Variants in LCLAT1 observed in about 807,000 individuals in gnomAD.
LCLAT1 encodes the protein lysocardiolipin acyltransferase 1, also known as 1-AGP acyltransferase 8.
A neutral mutation model predicts 30.7 loss-of-function variants in LCLAT1; 11 were observed. The ratio of observed to expected loss-of-function variants is 0.36; its 90% CI spans 0.23 to 0.59. The LOEUF (loss-of-function observed/expected upper bound fraction) is 0.59, where lower values mean the gene tolerates loss of function less well. LCLAT1 is among the 20% of genes least tolerant of loss of function. The probability of loss-of-function intolerance (pLI) is 0.77; values close to 1 mark genes in which losing one functional copy is unlikely to be tolerated. For missense variants in LCLAT1, 402 were observed against 458.6 expected (o/e 0.88, Z 1.13); for synonymous variants, 155 against 151.3 (o/e 1.02, Z -0.18).
At chr2:30,564,540 T>TA (rs1333230343) in intron 4 of LCLAT1, among the ~76,000 whole-genome samples, 1 of 152,184 alleles carries the variant, frequency 6.6e-6, no homozygotes, top group African/African-American at 2.4e-5. Context: ...TGCATATATA[T>TA]TTTAAATGCA....
chr2:30,454,360 G>A (rs1473621980), intron 1 of LCLAT1, among the ~76,000 whole-genome samples: 1 of 152,212 alleles, frequency 6.6e-6, no homozygotes, highest in South Asian at 2.1e-4. Context: ...ATTTTATGAT[G>A]TAGTGCTCAA....
intron 5 of LCLAT1, among the ~76,000 whole-genome samples, chr2:30,585,492 G>T (rs1432895208): frequency 6.6e-6 from 1 of 152,148 alleles, no homozygotes; most frequent in Non-Finnish European, 1.5e-5. Flanking sequence ...ACTCATGCCA[G>T]TTCCATGATC....
intron 5 of LCLAT1, among the ~76,000 whole-genome samples, chr2:30,572,017 T>C (rs1295269307): frequency 6.6e-6 from 1 of 152,246 alleles, no homozygotes; most frequent in Non-Finnish European, 1.5e-5. Flanking sequence ...CTGCACATCA[T>C]GAAGCAGAAA....
intron 1 of LCLAT1, among the ~76,000 whole-genome samples, chr2:30,457,506 A>G (rs560777426): frequency 6.6e-6 from 1 of 152,334 alleles, no homozygotes; most frequent in East Asian, 1.9e-4. Flanking sequence ...GCCCTTTTAC[A>G]TGCAAAGGAT....
At chr2:30,587,853 TAA>T (rs1666512590) in intron 5 of LCLAT1, among the ~76,000 whole-genome samples, 1 of 152,220 alleles carries the variant, frequency 6.6e-6, no homozygotes, top group African/African-American at 2.4e-5. Flanking sequence ...GATCAATGAT[TAA>T]AAGATAATTG....
chr2:30,610,162 TTTTTTCGTTC>T (rs1271061109), intron 5 of LCLAT1, among the ~76,000 whole-genome samples: 1 of 152,086 alleles, frequency 6.6e-6, no homozygotes, highest in Admixed American at 6.6e-5. Flanking sequence ...AGTTTACTAA[TTTTTTCGTTC>T]CTTCTTTAGT....
In LCLAT1 at chr2:30,507,112, C is replaced by T. The variant is rs952633425; in HGVS notation, c.-4-18475C>T. Among the ~76,000 whole-genome samples the T allele has an allele frequency of 3.9e-5, 6 of 151,982 alleles. No individual in the cohort carries two copies. In the East Asian group the frequency reaches 5.8e-4, roughly 15 times the overall value. ...CATATACTATATATGCAATAATTGA[C>T]GTTAGTGTTCACTTTAATTTTATGT... On this transcript the variant is annotated intron_variant, in intron 1 of 5. Coordinates refer to ENST00000379509, the MANE Select transcript of LCLAT1 (RefSeq NM_001002257.3).
chr2:30,479,152 T>C (rs938550799), intron 1 of LCLAT1, among the ~76,000 whole-genome samples: 2 of 152,186 alleles, frequency 1.3e-5, no homozygotes, highest in African/African-American at 4.8e-5. Flanking sequence ...CACTTACTTA[T>C]TTGGGTGAAT....
intron 1 of LCLAT1, among the ~76,000 whole-genome samples, chr2:30,501,867 T>C (rs919657013): frequency 6.6e-6 from 1 of 152,226 alleles, no homozygotes; most frequent in Non-Finnish European, 1.5e-5. Context: ...TGAAAAACAT[T>C]GGACCAGTTT....
At chr2:30,536,264 A>G (rs181735939) in intron 3 of LCLAT1, among the ~76,000 whole-genome samples, 12 of 152,324 alleles carry the variant, frequency 7.9e-5, no homozygotes, top group Middle Eastern at 3.4e-3. Flanking sequence ...CTTGGGAGTA[A>G]TATGGACATC....
chr2:30,604,556 T>G (rs1667337710), intron 5 of LCLAT1, among the ~76,000 whole-genome samples: 1 of 150,898 alleles, frequency 6.6e-6, no homozygotes, highest in Non-Finnish European at 1.5e-5. Flanking sequence ...AAAATAAAAT[T>G]ATACTTTCGC....
intron 1 of LCLAT1, among the ~76,000 whole-genome samples, chr2:30,447,784 C>G (rs990231240): frequency 6.6e-6 from 1 of 152,236 alleles, no homozygotes; most frequent in Admixed American, 6.5e-5. Flanking sequence ...AACCTGAGGT[C>G]TGACCCTGTT....
chr2:30,480,113 T>A (rs190829844), intron 1 of LCLAT1, among the ~76,000 whole-genome samples: 1 of 152,342 alleles, frequency 6.6e-6, no homozygotes, highest in Admixed American at 6.5e-5. Context: ...GTTAATACTT[T>A]TATATTTGTT....
At chr2:30,549,633 C>T (rs1664590863) in intron 3 of LCLAT1, among the ~76,000 whole-genome samples, 1 of 152,026 alleles carries the variant, frequency 6.6e-6, no homozygotes, top group African/African-American at 2.4e-5. Context: ...CAAGATGAAC[C>T]CTCTGTATCT....
intron 4 of LCLAT1, among the ~76,000 whole-genome samples, chr2:30,567,072 C>T (rs932817813): frequency 3.3e-5 from 5 of 152,054 alleles, no homozygotes; most frequent in African/African-American, 1.2e-4. Flanking sequence ...TATTTGATTG[C>T]TAGTTATTTC....
chr2:30,628,434 T>C (rs1668615213), intron 5 of LCLAT1, among the ~76,000 whole-genome samples: 1 of 152,208 alleles, frequency 6.6e-6, no homozygotes, highest in South Asian at 2.1e-4. Flanking sequence ...TTGAATTAAA[T>C]GCTCTTCAAG....
At chr2:30,597,793 C>CT (rs1459395572) in intron 5 of LCLAT1, among the ~76,000 whole-genome samples, 2 of 152,086 alleles carry the variant, frequency 1.3e-5, no homozygotes, top group Non-Finnish European at 2.9e-5. Flanking sequence ...TCATAAACAG[C>CT]TATTATTAAT....
At chr2:30,498,574 G>T (rs1268146094) in intron 1 of LCLAT1, among the ~76,000 whole-genome samples, 2 of 152,088 alleles carry the variant, frequency 1.3e-5, no homozygotes, top group Non-Finnish European at 2.9e-5. Context: ...GTTTGAAGGA[G>T]TTTTACCAAG....
At chr2:30,484,917 T>A (rs967671654) in intron 1 of LCLAT1, among the ~76,000 whole-genome samples, 15 of 152,154 alleles carry the variant, frequency 9.9e-5, no homozygotes, top group African/African-American at 3.6e-4. Flanking sequence ...TGATATGTTA[T>A]GGTATGCTAT....
Sources: allele counts gnomAD v4.1 joint callset (sites outside exome capture counted in the v4.1 genomes callset), GRCh38; gene constraint gnomAD v4.1.1; transcripts MANE v1.5; gene names NCBI Gene and HGNC (gene_info 2026-07-23, HGNC 2026-07-21).